The following RUNX2 variants were observed in gnomAD, a reference collection of about 807,000 sequenced individuals.
RUNX2 encodes the protein RUNX family transcription factor 2.
A neutral mutation model predicts 51.7 loss-of-function variants in RUNX2; 10 were observed. The observed-to-expected ratio is 0.19, with a 90% CI of 0.12 to 0.33. RUNX2 has a LOEUF of 0.33. RUNX2 is among the 10% of genes least tolerant of loss of function. The pLI is 1.00. For missense variants in RUNX2, 562 were observed against 691.3 expected, an observed-to-expected ratio of 0.81 and a Z score of 2.10; for synonymous variants, 276 against 273.6, an observed-to-expected ratio of 1.01 and a Z score of -0.09.
intron 3 of RUNX2, among the ~76,000 whole-genome samples, chr6:45,423,392 C>A (rs1798287327): frequency 6.6e-6 from 1 of 152,132 alleles, no homozygotes; most frequent in Non-Finnish European, 1.5e-5. Context: ...CCGCGTCCTT[C>A]CGGGACATCC....
At chr6:45,456,837 C>T (rs1799332545) in intron 5 of RUNX2, among the ~76,000 whole-genome samples, 1 of 152,286 alleles carries the variant, frequency 6.6e-6, no homozygotes, top group Middle Eastern at 3.4e-3. Context: ...AGAGAAGATG[C>T]CCTTTTTCAA....
chr6:45,512,445 CA>C lies in RUNX2; in HGVS notation c.1021+39del, dbSNP rs1563118592. On this transcript the variant is annotated intron_variant, in intron 7 of 8. Transcript: ENST00000647337. Reference sequence around the variant, plus strand: ...CTTTAACTAAAAATCCATCCCTGCACAGGGGTCGGGGGGAGTGGGATGGGCT... The same window carrying C: ...CTTTAACTAAAAATCCATCCCTGCACGGGGTCGGGGGGAGTGGGATGGGCT... The C allele has an allele frequency of 1.9e-6, 3 of 1,610,688 alleles. No homozygotes were observed. In the South Asian group the frequency reaches 3.3e-5, roughly 18 times the overall value.
rs1802505388 is a variant in RUNX2 at position 45,549,644 on chromosome 6, G to T, written c.*2339G>T. ...CAGCACTTAAAAAAGCCAGTGTCTG[G>T]TTACACATTTCAATTTTAATTAATT... is the stretch of plus-strand genomic sequence containing the variant. On this transcript the variant is annotated 3_prime_UTR_variant, in exon 9 of 9. Transcript: ENST00000647337. The T allele has an allele frequency of 2.9e-6, 1 of 345,196 alleles. No homozygotes were observed. Among genetic ancestry groups the T allele is most frequent in the Middle Eastern group, 7.6e-4 (1 of 1,320 alleles). The allele number at this position is 345,196 out of a possible 1,614,324, so 21.4% of individuals were successfully genotyped here. A position where few individuals can be genotyped will look rare whatever the true frequency, so the allele number is the denominator to read the frequency against.
intron 7 of RUNX2, chr6:45,513,429 CCT>C (rs1801224395): frequency 6.6e-6 from 1 of 152,138 alleles, no homozygotes; most frequent in Admixed American, 6.5e-5. Flanking sequence ...TGTTTCTCTC[CCT>C]CTCTCATTTT....
intron 2 of RUNX2, among the ~76,000 whole-genome samples, chr6:45,372,859 C>T (rs190360463): frequency 1.2e-3 from 183 of 152,118 alleles, no homozygotes; most frequent in Admixed American, 2.4e-3. Context: ...GCTCTGTCAC[C>T]CAGGCTGTAG....
At position 45,477,275 on chromosome 6, in the gene RUNX2, G is replaced by A. The variant is rs114825236; in HGVS notation, c.686-14666G>A. 8.8e-3 allele frequency among the ~76,000 whole-genome samples: 1,345 copies of A among 152,126 alleles called. 18 individuals carry two copies. The highest frequency in any genetic ancestry group is 0.027 in the African/African-American group (1,137 of 41,480). ...CCCTTTTAGACACTTTTCTCCACTC[G>A]TTCTGTACCCATTCCCTGAGTGTCC... On this transcript the variant is annotated intron_variant, in intron 5 of 8. Coordinates refer to ENST00000647337, the MANE Select transcript of RUNX2 (RefSeq NM_001024630.4).
chr6:45,413,230 G>A (rs974059556), intron 2 of RUNX2, among the ~76,000 whole-genome samples: 6 of 151,944 alleles, frequency 3.9e-5, no homozygotes, highest in South Asian at 2.1e-4. Context: ...TAAAACAGAC[G>A]GAAACAACAA....
At chr6:45,478,468 A>C (rs1174846710) in intron 5 of RUNX2, among the ~76,000 whole-genome samples, 1 of 152,216 alleles carries the variant, frequency 6.6e-6, no homozygotes, top group Non-Finnish European at 1.5e-5. Flanking sequence ...GAGATGATAG[A>C]TATTTGCCTA....
intron 2 of RUNX2, chr6:45,377,947 G>C (rs1293470311): frequency 6.6e-6 from 1 of 152,474 alleles, no homozygotes; most frequent in Non-Finnish European, 1.5e-5. Context: ...CGGGGCGATG[G>C]GGGGGGTACA....
chr6:45,502,929 T>C (rs1461758160), intron 6 of RUNX2, among the ~76,000 whole-genome samples: 2 of 152,342 alleles, frequency 1.3e-5, no homozygotes, highest in Middle Eastern at 3.4e-3. Context: ...TCACAATATT[T>C]TGAAACTTTT....
intron 2 of RUNX2, among the ~76,000 whole-genome samples, chr6:45,344,198 A>C (rs1293787431): frequency 6.6e-6 from 1 of 152,226 alleles, no homozygotes; most frequent in African/African-American, 2.4e-5. Flanking sequence ...GAGTTAGACC[A>C]TGACAAAGTT....
At chr6:45,431,767 G>A (rs1798548806) in intron 3 of RUNX2, 96 bp from the exon 4 acceptor site, 1 of 1,405,162 alleles carries the variant, frequency 7.1e-7, no homozygotes, top group African/African-American at 1.4e-5. Context: ...AGAACACTAA[G>A]TCCTGATAAG....
At chr6:45,350,295 A>G (rs1791755806) in intron 2 of RUNX2, among the ~76,000 whole-genome samples, 1 of 152,234 alleles carries the variant, frequency 6.6e-6, no homozygotes, top group South Asian at 2.1e-4. Flanking sequence ...AAACATTTGT[A>G]TATAATAATC....
rs75025441 is a variant in RUNX2, at chr6:45,454,255, G to A, written c.685+16204G>A. On this transcript the variant is annotated intron_variant, in intron 5 of 8. Coordinates refer to ENST00000647337, the MANE Select transcript of RUNX2 (RefSeq NM_001024630.4). ...GTCAACCCACTGTCAGATATAGGTG[G>A]AGAAGCCCTTCTGTGGTATGGAGGC... Among the ~76,000 whole-genome samples the A allele has an allele frequency of 8.2e-3, 1,256 of 152,300 alleles. 21 individuals are homozygous for A. The highest frequency in any genetic ancestry group is 0.029 in the African/African-American group (1,199 of 41,568).
At position 45,328,601 on chromosome 6, in the gene RUNX2, T is replaced by G; in HGVS notation, c.-66-60T>G. ...GACAGAAAAAAATAAATATAAAGTC[T>G]ATGTACTCCAGGCATACTGTAAAAC... On this transcript the variant is annotated intron_variant, in intron 1 of 8. Coordinates refer to ENST00000647337, the MANE Select transcript of RUNX2 (RefSeq NM_001024630.4). 1.9e-6 allele frequency: 3 copies of G among 1,603,346 alleles called. No homozygotes were observed. The South Asian group carries it at 3.3e-5, about 18-fold the overall frequency.
At chr6:45,427,361 T>C (rs1478049071) in intron 3 of RUNX2, among the ~76,000 whole-genome samples, 2 of 152,126 alleles carry the variant, frequency 1.3e-5, no homozygotes, top group African/African-American at 4.8e-5. Flanking sequence ...CTGCTTTACA[T>C]TGAAATAATT....
chr6:45,370,489 T>C (rs1035731520), intron 2 of RUNX2, among the ~76,000 whole-genome samples: 1 of 152,114 alleles, frequency 6.6e-6, no homozygotes, highest in African/African-American at 2.4e-5. Context: ...GTGAGAGATG[T>C]TGTAAAGCAG....
intron 3 of RUNX2, among the ~76,000 whole-genome samples, chr6:45,425,376 G>A (rs1417248594): frequency 6.6e-6 from 1 of 152,126 alleles, no homozygotes; most frequent in African/African-American, 2.4e-5. Context: ...AAATTATTTT[G>A]AAAATAAATT....
intron 7 of RUNX2, among the ~76,000 whole-genome samples, chr6:45,536,571 T>C (rs1214393871): frequency 6.6e-6 from 1 of 152,156 alleles, no homozygotes; most frequent in Admixed American, 6.5e-5. Context: ...GAAATTGTAT[T>C]TGAAAAAAAT....
Sources: gnomAD v4.1 joint callset for allele counts (sites outside exome capture counted in the v4.1 genomes callset) on GRCh38, gnomAD v4.1.1 for gene constraint, MANE v1.5 for transcripts, NCBI Gene and HGNC (gene_info 2026-07-23, HGNC 2026-07-21) for gene names.